The following BRINP1 variants were observed in gnomAD, a reference collection of about 807,000 sequenced individuals.
BRINP1 encodes BMP/retinoic acid inducible neural specific 1.
In BRINP1, 17 loss-of-function variants were observed where a neutral mutation model predicts 72.9. The observed-to-expected ratio is 0.23, with a 90% CI of 0.16 to 0.35. The LOEUF is 0.35. Among genes scored for constraint, BRINP1 ranks in the 10% least tolerant of loss-of-function variants. The pLI is 1.00. For synonymous variants in BRINP1, 418 were observed against 378.5 expected (o/e 1.10, Z -1.21); for missense variants, 850 against 1,001.6 (o/e 0.85, Z 2.04).
At position 119,252,150 on chromosome 9, in the gene BRINP1, G is replaced by A. The variant is rs112977394; in HGVS notation, c.219-3000C>T. Among the ~76,000 whole-genome samples the A allele has an allele frequency of 2.3e-4, 35 of 152,190 alleles. 1 individual carries two copies. Among genetic ancestry groups the A allele is most frequent in the African/African-American group, 7.0e-4 (29 of 41,514 alleles). On this transcript the variant is annotated intron_variant, in intron 2 of 7. Transcript: ENST00000265922. ...AGATGCTCTATGGAGACATCCACAT[G>A]GCAAGGAGCCGAGGGAATCCTTAGG... is the stretch of plus-strand genomic sequence containing the variant.
chr9:119,190,645 G>A (rs960613656), intron 7 of BRINP1, among the ~76,000 whole-genome samples: 3 of 151,846 alleles, frequency 2.0e-5, no homozygotes, highest in Non-Finnish European at 4.4e-5. Context: ...AGACATTGAA[G>A]TGAAGTAATA....
intron 7 of BRINP1, among the ~76,000 whole-genome samples, chr9:119,184,930 A>G (rs1057275836): frequency 5.2e-4 from 79 of 152,316 alleles, no homozygotes; most frequent in African/African-American, 1.7e-3. Context: ...AAAGGAAATA[A>G]TAATGCTTTC....
chr9:119,344,397 C>T (rs935910498), intron 1 of BRINP1, among the ~76,000 whole-genome samples: 2 of 152,178 alleles, frequency 1.3e-5, no homozygotes, highest in Non-Finnish European at 2.9e-5. Context: ...TACTCTTTCT[C>T]CTGCACTGTA....
At chr9:119,345,131 T>C (rs1055588650) in intron 1 of BRINP1, among the ~76,000 whole-genome samples, 4 of 152,220 alleles carry the variant, frequency 2.6e-5, no homozygotes, top group Non-Finnish European at 5.9e-5. Flanking sequence ...AATATTCACA[T>C]ACACATTTGA....
chr9:119,172,178 G>A (rs1450939090), intron 7 of BRINP1, among the ~76,000 whole-genome samples: 2 of 151,966 alleles, frequency 1.3e-5, no homozygotes, highest in African/African-American at 4.8e-5. Context: ...CCATCAAAAA[G>A]TTAATGAATC....
chr9:119,283,102 G>A, intron 2 of BRINP1: 1 of 985,064 alleles, frequency 1.0e-6, no homozygotes, highest in Non-Finnish European at 1.2e-6. Flanking sequence ...AGTTCACAGA[G>A]CTTGGAGCGT....
chr9:119,350,644 G>A (rs1374273023), intron 1 of BRINP1, among the ~76,000 whole-genome samples: 8 of 144,332 alleles, frequency 5.5e-5, no homozygotes, highest in Admixed American at 2.1e-4. Context: ...ACACACACTC[G>A]CACGTCCATG....
At chr9:119,289,323 T>A (rs1445947698) in intron 2 of BRINP1, among the ~76,000 whole-genome samples, 2 of 152,196 alleles carry the variant, frequency 1.3e-5, no homozygotes, top group African/African-American at 4.8e-5. Context: ...AGAGGATTGG[T>A]ATTCTCTACC....
At chr9:119,294,249 G>C (rs1198994798) in intron 2 of BRINP1, among the ~76,000 whole-genome samples, 1 of 152,198 alleles carries the variant, frequency 6.6e-6, no homozygotes, top group Non-Finnish European at 1.5e-5. Flanking sequence ...ACGTTGATGA[G>C]GCTGGGCACG....
intron 2 of BRINP1, among the ~76,000 whole-genome samples, chr9:119,269,989 G>A (rs186981986): frequency 6.6e-5 from 10 of 152,246 alleles, no homozygotes; most frequent in Admixed American, 5.2e-4. Flanking sequence ...CAGAGAAGGG[G>A]AGACTGGAAG....
intron 5 of BRINP1, among the ~76,000 whole-genome samples, chr9:119,223,768 A>G (rs935533139): frequency 6.6e-6 from 1 of 152,054 alleles, no homozygotes; most frequent in East Asian, 1.9e-4. Flanking sequence ...TTCTTTCACA[A>G]TATTACAGCT....
intron 2 of BRINP1, among the ~76,000 whole-genome samples, chr9:119,276,502 T>G (rs1830659458): frequency 6.6e-6 from 1 of 152,248 alleles, no homozygotes; most frequent in Non-Finnish European, 1.5e-5. Flanking sequence ...TCAATACAAT[T>G]AGTTGTTTTA....
chr9:119,338,806 A>G (rs1831378278), intron 1 of BRINP1, among the ~76,000 whole-genome samples: 1 of 151,606 alleles, frequency 6.6e-6, no homozygotes, highest in Non-Finnish European at 1.5e-5. Context: ...AATGGTGCGA[A>G]CCCAGGAGGC....
At chr9:119,258,789 C>G (rs1830469832) in intron 2 of BRINP1, among the ~76,000 whole-genome samples, 1 of 152,102 alleles carries the variant, frequency 6.6e-6, no homozygotes, top group South Asian at 2.1e-4. Flanking sequence ...TCTCTGTCAC[C>G]CCACACATTA....
intron 1 of BRINP1, among the ~76,000 whole-genome samples, chr9:119,320,262 C>A (rs957606271): frequency 2.0e-5 from 3 of 152,080 alleles, no homozygotes; most frequent in African/African-American, 7.2e-5. Flanking sequence ...GGCAGCTGAT[C>A]GCCCATCTCT....
At chr9:119,247,105 T>C (rs1464407502) in intron 3 of BRINP1, among the ~76,000 whole-genome samples, 1 of 152,192 alleles carries the variant, frequency 6.6e-6, no homozygotes, top group Non-Finnish European at 1.5e-5. Context: ...AAGAATTGAA[T>C]TGGTCTCAAT....
intron 7 of BRINP1, among the ~76,000 whole-genome samples, chr9:119,204,009 C>G (rs923639047): frequency 3.3e-5 from 5 of 152,184 alleles, no homozygotes; most frequent in African/African-American, 1.2e-4. Flanking sequence ...GTGTAAAAGT[C>G]TCACAGCTTT....
chr9:119,349,074 T>C (rs1322985278), intron 1 of BRINP1, among the ~76,000 whole-genome samples: 1 of 152,066 alleles, frequency 6.6e-6, no homozygotes, highest in East Asian at 1.9e-4. Context: ...ACCCAAGTCT[T>C]CCAAGGCCCC....
At chr9:119,290,796 G>C (rs1252680986) in intron 2 of BRINP1, among the ~76,000 whole-genome samples, 2 of 152,110 alleles carry the variant, frequency 1.3e-5, no homozygotes, top group African/African-American at 2.4e-5. Context: ...TCAGACTATA[G>C]GGCCTCCATT....
Sources: gnomAD v4.1 joint callset for allele counts (sites outside exome capture counted in the v4.1 genomes callset) on GRCh38, gnomAD v4.1.1 for gene constraint, MANE v1.5 for transcripts, NCBI Gene and HGNC (gene_info 2026-07-23, HGNC 2026-07-21) for gene names.